CNBD1: variants seen among roughly 807,000 people sequenced by gnomAD.
The protein encoded by CNBD1 is cyclic nucleotide binding domain containing 1.
CNBD1 carries 71 observed loss-of-function variants against 54.4 expected under a neutral mutation model. The observed-to-expected ratio is 1.30, with a 90% confidence interval of 1.08 to 1.59. CNBD1 has a LOEUF of 1.59. Ranked by LOEUF, CNBD1 falls within the 40% of genes most tolerant of loss-of-function variation. The pLI, the probability that CNBD1 is intolerant of heterozygous loss-of-function variation, is 0.00. For synonymous variants in CNBD1, 182 were observed against 170.7 expected (o/e 1.07, Z -0.51); for missense variants, 659 against 518.0 (o/e 1.27, Z -2.64).
intron 8 of CNBD1, among the ~76,000 whole-genome samples, chr8:87,319,140 T>C (rs913083648): frequency 3.3e-5 from 5 of 152,056 alleles, no homozygotes; most frequent in African/African-American, 1.2e-4. Flanking sequence ...TGAGAGCACA[T>C]GAAGGATATT....
intron 2 of CNBD1, among the ~76,000 whole-genome samples, chr8:86,901,844 G>GT (rs1808943107): frequency 1.3e-5 from 2 of 152,098 alleles, no homozygotes; most frequent in South Asian, 4.1e-4. Flanking sequence ...AGAACATCGA[G>GT]TAGACTAGCC....
In CNBD1 at chr8:87,328,639, A is replaced by G. The variant is rs1429220011; in HGVS notation, c.1043-23046A>G. On this transcript the variant is annotated intron_variant, in intron 8 of 10. Coordinates refer to ENST00000518476, the MANE Select transcript of CNBD1 (RefSeq NM_173538.3). Reference sequence around the variant, plus strand: ...AGGATTATTTTGTCTGTTTATCTATAAAATGCTATTGGGTTTTAAATACAA... The same window carrying G: ...AGGATTATTTTGTCTGTTTATCTATGAAATGCTATTGGGTTTTAAATACAA... Among the ~76,000 whole-genome samples the G allele has an allele frequency of 2.0e-5, 3 of 152,170 alleles. No individual in the cohort carries two copies. The East Asian group carries it at 5.8e-4, about 29-fold the overall frequency.
intron 4 of CNBD1, among the ~76,000 whole-genome samples, chr8:87,049,058 T>A (rs1013597962): frequency 6.6e-6 from 1 of 152,208 alleles, no homozygotes; most frequent in Non-Finnish European, 1.5e-5. Flanking sequence ...TGTGGCTTAT[T>A]CTATTTCTGC....
At chr8:87,269,213 G>C (rs1808317800) in intron 6 of CNBD1, among the ~76,000 whole-genome samples, 1 of 151,912 alleles carries the variant, frequency 6.6e-6, no homozygotes, top group Non-Finnish European at 1.5e-5. Context: ...TGTCAACTCT[G>C]TTAAGGATGG....
intron 4 of CNBD1, among the ~76,000 whole-genome samples, chr8:86,963,676 C>G (rs1807996114): frequency 6.6e-6 from 1 of 152,240 alleles, no homozygotes; most frequent in South Asian, 2.1e-4. Context: ...TCCTGAGATG[C>G]CCTTCACGGT....
intron 6 of CNBD1, among the ~76,000 whole-genome samples, chr8:87,248,096 G>A (rs143104307): frequency 2.0e-5 from 3 of 152,210 alleles, no homozygotes; most frequent in African/African-American, 7.2e-5. Flanking sequence ...CCAAAAAATT[G>A]CCCATAACAT....
chr8:87,322,024 A>G lies in CNBD1; in HGVS notation c.1043-29661A>G, dbSNP rs1452143602. The stretch of plus-strand genomic sequence containing the variant: ...TGTGTCCATGTGATCTCATTGTTCA[A>G]TTCCCACCTATGAGTGAGAATATGC... On this transcript the variant is annotated intron_variant, in intron 8 of 10. Transcript: ENST00000518476. 5.6e-5 allele frequency among the ~76,000 whole-genome samples: 8 copies of G among 141,946 alleles called. No homozygotes were observed. The East Asian group carries it at 8.0e-4, about 14-fold the overall frequency. 93.1% of individuals were successfully genotyped at this position (141,946 alleles called of 152,430 possible). A position where few individuals can be genotyped will look rare whatever the true frequency, so the allele number is the denominator to read the frequency against.
chr8:87,333,709 G>A (rs1809882630), intron 8 of CNBD1, among the ~76,000 whole-genome samples: 2 of 152,170 alleles, frequency 1.3e-5, no homozygotes, highest in Admixed American at 1.3e-4. Flanking sequence ...GCATCTCAGG[G>A]ATGAAGCCGA....
chr8:87,393,238 G>T (rs1245921576), intron 2 of CNBD1, among the ~76,000 whole-genome samples: 1 of 151,832 alleles, frequency 6.6e-6, no homozygotes. Flanking sequence ...AGGAGAAAGC[G>T]AGAGAAATAA....
At chr8:87,235,367 T>C (rs1472107444) in intron 5 of CNBD1, among the ~76,000 whole-genome samples, 2 of 152,192 alleles carry the variant, frequency 1.3e-5, no homozygotes, top group African/African-American at 4.8e-5. Context: ...GAGCCTTCCT[T>C]ACTCAGGTTA....
intron 8 of CNBD1, among the ~76,000 whole-genome samples, chr8:87,351,309 T>A (rs763025647): frequency 7.2e-5 from 11 of 152,104 alleles, no homozygotes; most frequent in Non-Finnish European, 1.5e-4. Flanking sequence ...ATTGTGGGTT[T>A]GTTATTAAAC....
intron 4 of CNBD1, among the ~76,000 whole-genome samples, chr8:87,151,358 A>T (rs188223459): frequency 7.2e-5 from 11 of 152,352 alleles, no homozygotes; most frequent in Admixed American, 6.5e-4. Flanking sequence ...AAAATTCTCC[A>T]TACTAATGAA....
intron 10 of CNBD1, among the ~76,000 whole-genome samples, chr8:87,378,670 G>GT (rs1176282450): frequency 4.3e-4 from 65 of 150,304 alleles, no homozygotes; most frequent in African/African-American, 1.5e-3. Flanking sequence ...CTTTAAAGTA[G>GT]TTTTTTCCAA....
chr8:86,942,489 G>A (rs1332920178), intron 4 of CNBD1, among the ~76,000 whole-genome samples: 1 of 152,150 alleles, frequency 6.6e-6, no homozygotes, highest in Non-Finnish European at 1.5e-5. Flanking sequence ...GTGGTTGTAG[G>A]ACTGACATCC....
At chr8:86,944,394 CAGTT>C (rs1228870561) in intron 4 of CNBD1, among the ~76,000 whole-genome samples, 11 of 152,154 alleles carry the variant, frequency 7.2e-5, no homozygotes, top group Non-Finnish European at 1.0e-4. Context: ...TGTATTCTGT[CAGTT>C]AGTGATAAGT....
At chr8:86,952,240 G>A (rs912812060) in intron 4 of CNBD1, among the ~76,000 whole-genome samples, 1 of 152,112 alleles carries the variant, frequency 6.6e-6, no homozygotes, top group Non-Finnish European at 1.5e-5. Flanking sequence ...GGCACATGTT[G>A]TCAAGACTTC....
intron 2 of CNBD1, among the ~76,000 whole-genome samples, chr8:86,897,214 G>A (rs956094113): frequency 6.4e-4 from 98 of 152,120 alleles, no homozygotes; most frequent in African/African-American, 2.1e-3. Flanking sequence ...ACTGGGCCCC[G>A]CAAATTATAT....
At chr8:87,275,133 A>T (rs1322498235) in intron 6 of CNBD1, among the ~76,000 whole-genome samples, 1 of 137,880 alleles carries the variant, frequency 7.3e-6, no homozygotes, top group African/African-American at 2.9e-5. Flanking sequence ...ATTGATCTGT[A>T]TGTCTGTTTT....
At chr8:86,973,639 G>C (rs566552511) in intron 4 of CNBD1, among the ~76,000 whole-genome samples, 2 of 152,282 alleles carry the variant, frequency 1.3e-5, no homozygotes, top group East Asian at 3.9e-4. Context: ...TGTTTAGTGT[G>C]AAAGTAGGGC....
Sources: gnomAD v4.1 joint callset for allele counts (sites outside exome capture counted in the v4.1 genomes callset) on GRCh38, gnomAD v4.1.1 for gene constraint, MANE v1.5 for transcripts, NCBI Gene and HGNC (gene_info 2026-07-23, HGNC 2026-07-21) for gene names.